ST13: variants seen among roughly 807,000 people sequenced by gnomAD.
ST13 encodes the protein hsc70-interacting protein.
ST13 carries 23 observed loss-of-function variants against 56.7 expected under a neutral mutation model. The ratio of observed to expected loss-of-function variants is 0.41; its 90% CI spans 0.29 to 0.57. The LOEUF (loss-of-function observed/expected upper bound fraction) is 0.57. Ranked by LOEUF, ST13 falls within the 20% of genes least tolerant of loss-of-function variation. The pLI, the probability that ST13 is intolerant of heterozygous loss-of-function variation, is 0.36. For synonymous variants in ST13, 132 were observed against 142.4 expected (o/e 0.93, Z 0.52); for missense variants, 369 against 459.9 (o/e 0.80, Z 1.81).
intron 4 of ST13, 81 bp downstream of exon 4, chr22:40,844,758 G>A: frequency 8.4e-7 from 1 of 1,196,412 alleles, no homozygotes; most frequent in Non-Finnish European, 1.2e-6. Flanking sequence ...TTTCCTGGAA[G>A]AATCGTGTCA....
chr22:40,832,448 T>G (rs2057758366), intron 8 of ST13, 121 bp downstream of exon 8: 2 of 711,436 alleles, frequency 2.8e-6, no homozygotes, highest in Non-Finnish European at 4.8e-6. Flanking sequence ...AATTACAGAT[T>G]ATATCTTCCA....
At chr22:40,839,569 A>G (rs546499855) in intron 5 of ST13, among the ~76,000 whole-genome samples, 29 of 151,978 alleles carry the variant, frequency 1.9e-4, no homozygotes, top group Admixed American at 5.2e-4. Context: ...ATTTGAGACC[A>G]GCCTGGCCAA....
At chr22:40,841,688 C>T (rs2057805218) in intron 4 of ST13, among the ~76,000 whole-genome samples, 1 of 152,164 alleles carries the variant, frequency 6.6e-6, no homozygotes, top group Non-Finnish European at 1.5e-5. Flanking sequence ...TTCACTGCAA[C>T]CTCCATCTCC....
At chr22:40,841,217 A>C (rs915555801) in intron 4 of ST13, among the ~76,000 whole-genome samples, 7 of 151,876 alleles carry the variant, frequency 4.6e-5, no homozygotes, top group South Asian at 2.1e-4. Context: ...AAAAAAAAAA[A>C]AAACAAGCTG....
At chr22:40,836,207 T>C (rs958340112) in intron 5 of ST13, among the ~76,000 whole-genome samples, 5 of 152,170 alleles carry the variant, frequency 3.3e-5, no homozygotes, top group African/African-American at 9.6e-5. Flanking sequence ...TCCCAGCACT[T>C]TGGGAGGCCA....
At position 40,848,321 on chromosome 22, in the gene ST13, C is replaced by A. The variant is rs1288365355; in HGVS notation, c.217G>T (p.Glu73Ter). 1 of 1,613,422 alleles carries A rather than the reference C, an allele frequency of 6.2e-7. No homozygotes were observed. Among genetic ancestry groups the A allele is most frequent in the Non-Finnish European group, 8.5e-7 (1 of 1,179,660 alleles). Residue 73 changes from glutamate (E) to a stop codon, truncating the protein, a stop_gained, in exon 3 of 12, where the codon GAA becomes TAA. Transcript: ENST00000216218. LOFTEE classifies it high-confidence loss of function. ...AGATCACTTTCCTCACTTGATGGTTCGTCTGCCTTTAAGTCTTCCTCCACC... is the reference window on the plus strand; with the variant it reads ...AGATCACTTTCCTCACTTGATGGTTAGTCTGCCTTTAAGTCTTCCTCCACC... The part of the protein sequence containing the change: ...KKVEEDLKAD[E>*]PSSEESDLEI...
rs370101219 is a variant in ST13, at chr22:40,829,431, C to T, written c.847+195G>A. On this transcript the variant is annotated intron_variant, in intron 10 of 11. Transcript: ENST00000216218. ...TCTGATCACATTTGAAAGAAAAATA[C>T]GCTATTTTTACACTGTACAAAAAAC... 7.9e-5 allele frequency among the ~76,000 whole-genome samples: 12 copies of T among 152,096 alleles called. No homozygotes were observed. In the South Asian group the frequency reaches 1.2e-3, roughly 16 times the overall value.
intron 4 of ST13, among the ~76,000 whole-genome samples, chr22:40,843,884 ATTTTTT>A (rs11308730): frequency 1.4e-5 from 2 of 143,940 alleles, no homozygotes; most frequent in Non-Finnish European, 3.1e-5. Flanking sequence ...AGGAAAATGC[ATTTTTT>A]TTTTTTTTTT....
chr22:40,838,911 TA>T (rs138338), intron 5 of ST13, among the ~76,000 whole-genome samples: 76,251 of 139,682 alleles, frequency 0.55, 20,209 homozygotes, highest in Admixed American at 0.67. Flanking sequence ...ATAGCATAAA[TA>T]AAAAAAAAAA....
At chr22:40,853,939 T>C (rs1031033628) in intron 1 of ST13, among the ~76,000 whole-genome samples, 2 of 152,318 alleles carry the variant, frequency 1.3e-5, no homozygotes, top group South Asian at 2.1e-4. Flanking sequence ...AACACAGTTC[T>C]TGAAAAGAAC....
intron 8 of ST13, among the ~76,000 whole-genome samples, chr22:40,831,634 C>G: frequency 6.6e-6 from 1 of 152,014 alleles, no homozygotes; most frequent in South Asian, 2.1e-4. Context: ...AACAGAAAAC[C>G]AAATGAACTC....
chr22:40,835,856 T>C lies in ST13; in HGVS notation c.414A>G (p.Thr138=), dbSNP rs753920988. 30 of 1,613,176 alleles carry C rather than the reference T, an allele frequency of 1.9e-5. No homozygotes were observed. Among genetic ancestry groups the C allele is most frequent in the Non-Finnish European group, 2.4e-5 (28 of 1,180,006 alleles). Residue 138 remains threonine, a synonymous_variant, in exon 6 of 12, where the codon ACA becomes ACG. Coordinates refer to ENST00000216218, the MANE Select transcript of ST13 (RefSeq NM_003932.5). ...GELQKAIDLF[T]DAIKLNPRLA... is the part of the protein sequence containing the mutation. ...AGCGAGGATTCAGCTTGATGGCATC[T>C]GTGAATAAGTCAATGGCTTTCTGGA... is the stretch of plus-strand genomic sequence containing the variant.
intron 5 of ST13, 66 bp downstream of exon 5, chr22:40,840,560 C>T: frequency 1.4e-6 from 2 of 1,393,674 alleles, no homozygotes; most frequent in East Asian, 2.3e-5. Context: ...TTCTACTTTA[C>T]CACTATTTAA....
rs1443358052 is a variant in ST13, at chr22:40,825,102, T to A, written c.*1436A>T. 1 of 152,148 alleles carries A rather than the reference T, an allele frequency of 6.6e-6. No homozygotes were observed. Among genetic ancestry groups the A allele is most frequent in the Non-Finnish European group, 1.5e-5 (1 of 68,010 alleles). 9.4% of individuals were successfully genotyped at this position (152,148 alleles called of 1,614,324 possible). A position where few individuals can be genotyped will look rare whatever the true frequency, so the allele number is the denominator to read the frequency against. On this transcript the variant is annotated 3_prime_UTR_variant, in exon 12 of 12. Transcript: ENST00000216218. Reference sequence around the variant, plus strand: ...GCAATGTCAGGTACAATGCCTATACTTAGTCTTATTTAAAATAAGAATTGA... The same window carrying A: ...GCAATGTCAGGTACAATGCCTATACATAGTCTTATTTAAAATAAGAATTGA...
In ST13 at chr22:40,832,665, T is replaced by A. The variant is rs750170077; in HGVS notation, c.585A>T (p.Leu195=). The change falls in exon 8 of 12, where the codon CTA becomes CTT. Residue 195 remains leucine (L), a synonymous_variant. Coordinates refer to ENST00000216218, the MANE Select transcript of ST13 (RefSeq NM_003932.5). ...CATGGGCTGCTTCTTCCCAGTGGCCTAGAAGTCTGAAACAGATTTACACTC... is the reference window on the plus strand; with the variant it reads ...CATGGGCTGCTTCTTCCCAGTGGCCAAGAAGTCTGAAACAGATTTACACTC... ...YKWRGKAHRL[L]GHWEEAAHDL... The A allele has an allele frequency of 6.3e-7, 1 of 1,599,372 alleles. No homozygotes were observed.
chr22:40,841,273 G>C (rs954464346), intron 4 of ST13, among the ~76,000 whole-genome samples: 3 of 151,760 alleles, frequency 2.0e-5, no homozygotes, highest in Non-Finnish European at 4.4e-5. Context: ...AGGAGGCTGA[G>C]TTAGGAGGCT....
At chr22:40,827,066 A>G in intron 11 of ST13, 30 bp downstream of exon 11, 1 of 1,605,546 alleles carries the variant, frequency 6.2e-7, no homozygotes, top group Middle Eastern at 2.3e-4. Context: ...TTAATGATAC[A>G]AAGTCCAAAG....
At chr22:40,836,524 T>C (rs889520862) in intron 5 of ST13, among the ~76,000 whole-genome samples, 1 of 152,152 alleles carries the variant, frequency 6.6e-6, no homozygotes, top group Admixed American at 6.5e-5. Context: ...TTTTATTCCA[T>C]TGATTTTCTT....
rs115111335 is a variant in ST13, at chr22:40,853,846, C to A, written c.110+2585G>T. ...TCAAGTAAAGCCATGAAACCACATA[C>A]AAGATACTAAATTGTTAAACGGGAG... On this transcript the variant is annotated intron_variant, in intron 1 of 11. Coordinates refer to ENST00000216218, the MANE Select transcript of ST13 (RefSeq NM_003932.5). Among the ~76,000 whole-genome samples the A allele has an allele frequency of 6.2e-3, 945 of 152,224 alleles. 14 individuals are homozygous for A. The highest frequency in any genetic ancestry group is 0.022 in the African/African-American group (896 of 41,528).
Sources: gnomAD v4.1 joint callset for allele counts (sites outside exome capture counted in the v4.1 genomes callset) on GRCh38, gnomAD v4.1.1 for gene constraint, MANE v1.5 for transcripts, NCBI Gene and HGNC (gene_info 2026-07-23, HGNC 2026-07-21) for gene names.